MMP12: variants seen among roughly 807,000 people sequenced by gnomAD.
MMP12 encodes matrix metallopeptidase 12.
MMP12 carries 51 observed loss-of-function variants against 45.2 expected under a neutral mutation model. The observed-to-expected ratio is 1.13, with a 90% CI of 0.90 to 1.42. The LOEUF (loss-of-function observed/expected upper bound fraction) is 1.42. MMP12 is among the 40% of genes most tolerant of loss of function. The pLI is 0.00. For synonymous variants in MMP12, 210 were observed against 193.3 expected (o/e 1.09, Z -0.72); for missense variants, 530 against 570.8 (o/e 0.93, Z 0.73).
At chr11:102,866,572 A>T (rs782473514) in intron 6 of MMP12, 124 bp from the exon 7 acceptor site, 2 of 980,736 alleles carry the variant, frequency 2.0e-6, no homozygotes. Context: ...ATTCTGTTCC[A>T]TGGATGTCTG....
Position 102,871,933 on chromosome 11 carries a change from C to T in MMP12, c.370G>A (p.Asp124Asn). 6.2e-7 allele frequency: 1 copy of T among 1,610,378 alleles called. No homozygotes were observed. The highest frequency in any genetic ancestry group is 1.3e-5 in the African/African-American group (1 of 74,794). Reference sequence around the variant, plus strand: ...TAGTCAACATCCTCACGGTTCATGTCAGGTGTGTAATTATTGATTCTTTAT... The same window carrying T: ...TAGTCAACATCCTCACGGTTCATGTTAGGTGTGTAATTATTGATTCTTTAT... Reference protein sequence around the residue: ...ITYRINNYTPDMNREDVDYAI... With the variant: ...ITYRINNYTPNMNREDVDYAI... Residue 124 changes from aspartate to asparagine, a missense_variant, in exon 3 of 10, where the codon GAC (aspartate) becomes AAC (asparagine). By Grantham distance (23) the Asp-to-Asn change is conservative. Coordinates refer to ENST00000571244, the MANE Select transcript of MMP12 (RefSeq NM_002426.6).
rs200176944 is a variant in MMP12 at position 102,867,997 on chromosome 11, T to G, written c.698A>C (p.Lys233Thr). The change falls in exon 5 of 10, where the codon AAG (lysine) becomes ACG (threonine). Residue 233 changes from lysine to threonine, a missense_variant. Coordinates refer to ENST00000571244, the MANE Select transcript of MMP12 (RefSeq NM_002426.6). ...TTTGTAGGTGGGGAACATTACGGCC[T>G]TTGGATCACTAGAATGGCCAAGACC... is the stretch of plus-strand genomic sequence containing the variant. ...SLGLGHSSDPKAVMFPTYKYV... is the reference protein window; with the variant it reads ...SLGLGHSSDPTAVMFPTYKYV... The G allele has an allele frequency of 5.0e-5, 80 of 1,606,498 alleles. No homozygotes were observed. The highest frequency in any genetic ancestry group is 6.7e-5 in the Non-Finnish European group (79 of 1,176,642).
intron 1 of MMP12, 70 bp from the exon 2 acceptor site, chr11:102,873,182 A>G: frequency 7.3e-7 from 1 of 1,371,790 alleles, no homozygotes; most frequent in Non-Finnish European, 1.0e-6. Flanking sequence ...CTCCACATAT[A>G]TGACTCAATT....
rs368620936 is a variant in MMP12 at position 102,872,740 on chromosome 11, T to C, written c.350+125A>G. 6 of 1,005,392 alleles carry C rather than the reference T, an allele frequency of 6.0e-6. No individual in the cohort carries two copies. The East Asian group carries it at 1.6e-4, about 26-fold the overall frequency. The allele number at this position is 1,005,392 out of a possible 1,614,324, so 62.3% of individuals were successfully genotyped here. A position where few individuals can be genotyped will look rare whatever the true frequency, so the allele number is the denominator to read the frequency against. On this transcript the variant is annotated intron_variant, in intron 2 of 9. Transcript: ENST00000571244. Reference sequence around the variant, plus strand: ...TAGAGAAAATGAATTTTAGCAGAGATAGCATTAACAATGGAGGGAGGTTAC... The same window carrying C: ...TAGAGAAAATGAATTTTAGCAGAGACAGCATTAACAATGGAGGGAGGTTAC...
intron 7 of MMP12, among the ~76,000 whole-genome samples, 165 bp downstream of exon 7, chr11:102,866,150 T>C (rs1859383078): frequency 6.6e-6 from 1 of 152,176 alleles, no homozygotes; most frequent in South Asian, 2.1e-4. Context: ...GTTGTATATA[T>C]TACTTAGGTA....
chr11:102,868,353 T>G (rs1859434568), intron 4 of MMP12, among the ~76,000 whole-genome samples: 1 of 152,182 alleles, frequency 6.6e-6, no homozygotes, highest in African/African-American at 2.4e-5. Context: ...CATTGTCAGA[T>G]ATCTCCTTGG....
intron 6 of MMP12, 95 bp from the exon 7 acceptor site, chr11:102,866,543 TTCTTTCC>T: frequency 7.7e-7 from 1 of 1,294,082 alleles, no homozygotes; most frequent in Non-Finnish European, 1.1e-6. Context: ...GACCCAATAT[TTCTTTCC>T]ATTGTCTTCA....
chr11:102,867,207 T>C, intron 6 of MMP12, 63 bp downstream of exon 6: 1 of 1,415,116 alleles, frequency 7.1e-7, no homozygotes, highest in Non-Finnish European at 9.4e-7. Flanking sequence ...TTCCACTGTT[T>C]TCTGACAAAA....
intron 5 of MMP12, 101 bp from the exon 6 acceptor site, chr11:102,867,494 G>A (rs1230332695): frequency 8.7e-7 from 1 of 1,155,996 alleles, no homozygotes; most frequent in Non-Finnish European, 1.2e-6. Context: ...AATGAACATT[G>A]CATCAAAATC....
intron 4 of MMP12, among the ~76,000 whole-genome samples, chr11:102,869,723 C>A: frequency 6.8e-6 from 1 of 147,936 alleles, no homozygotes; most frequent in Non-Finnish European, 1.5e-5. Context: ...GCAGCCTGGC[C>A]AACATGGTGA....
rs782359744 is a variant in MMP12 at position 102,872,935 on chromosome 11, C to G, written c.280G>C (p.Val94Leu). The change falls in exon 2 of 10, where the codon GTC (valine) becomes CTC (leucine). Residue 94 changes from valine (V) to leucine (L), a missense_variant. By Grantham distance (32) the Val-to-Leu change is conservative. Transcript: ENST00000571244. ...LEMMHAPRCG[V>L]PDVHHFREMP... ...TCCCTGAAATGATGGACATCGGGGA[C>G]TCCACATCGAGGTGCGTGCATCATC... 8 of 1,613,776 alleles carry G rather than the reference C, an allele frequency of 5.0e-6. No individual in the cohort carries two copies. In the Admixed American group the frequency reaches 6.7e-5, roughly 13 times the overall value.
At position 102,868,110 on chromosome 11, in the gene MMP12, A is replaced by G. The variant is rs782611236; in HGVS notation, c.626-41T>C. 11 of 1,489,394 alleles carry G rather than the reference A, an allele frequency of 7.4e-6. No individual in the cohort carries two copies. In the East Asian group the frequency reaches 2.4e-4, roughly 32 times the overall value. The allele number at this position is 1,489,394 out of a possible 1,614,324, so 92.3% of individuals were successfully genotyped here. On this transcript the variant is annotated intron_variant, in intron 4 of 9. Coordinates refer to ENST00000571244, the MANE Select transcript of MMP12 (RefSeq NM_002426.6). ...CCAAAAGACAGCTGTGAAATGCATT[A>G]TCATCTTGGACAAGAACACAATATC...
At chr11:102,873,704 A>G (rs1262664707) in intron 1 of MMP12, among the ~76,000 whole-genome samples, 1 of 152,184 alleles carries the variant, frequency 6.6e-6, no homozygotes, top group Non-Finnish European at 1.5e-5. Context: ...TTAAAACGTC[A>G]TTTATTCATT....
At position 102,865,730 on chromosome 11, in the gene MMP12, C is replaced by A; in HGVS notation, c.1205+46G>T. 3.3e-6 allele frequency: 5 copies of A among 1,530,288 alleles called. No homozygotes were observed. Among genetic ancestry groups the A allele is most frequent in the Non-Finnish European group, 4.4e-6 (5 of 1,127,756 alleles). 94.8% of individuals were successfully genotyped at this position (1,530,288 alleles called of 1,614,324 possible). A position where few individuals can be genotyped will look rare whatever the true frequency, so the allele number is the denominator to read the frequency against. ...CCTTCTAGAAAGCCTCATTCCATATCTGTTTCACAATCTGAGGGGTCGAAT... is the reference window on the plus strand; with the variant it reads ...CCTTCTAGAAAGCCTCATTCCATATATGTTTCACAATCTGAGGGGTCGAAT... On this transcript the variant is annotated intron_variant, in intron 8 of 9. Coordinates refer to ENST00000571244, the MANE Select transcript of MMP12 (RefSeq NM_002426.6). This position sits in a 1 kb window ranked among gnomAD's most constrained non-coding sequence, Gnocchi z 4.1.
intron 7 of MMP12, 78 bp from the exon 8 acceptor site, chr11:102,866,013 C>T (rs1555008486): frequency 8.8e-7 from 1 of 1,131,460 alleles, no homozygotes; most frequent in African/African-American, 1.6e-5. Context: ...CTATAAACAA[C>T]ATAATTCCTT....
In MMP12 at chr11:102,867,853, C is replaced by T. The variant is rs1037833104; in HGVS notation, c.787+55G>A. ...TTATCCAAATATAGATATTGTTAGA[C>T]TATTCATAAAAGCGAGTATCTTTAT... is the stretch of plus-strand genomic sequence containing the variant. On this transcript the variant is annotated intron_variant, in intron 5 of 9. Coordinates refer to ENST00000571244, the MANE Select transcript of MMP12 (RefSeq NM_002426.6). 4.6e-6 allele frequency: 7 copies of T among 1,508,782 alleles called. No individual in the cohort carries two copies. In the South Asian group the frequency reaches 8.4e-5, roughly 18 times the overall value. 93.5% of individuals were successfully genotyped at this position (1,508,782 alleles called of 1,614,324 possible). A position where few individuals can be genotyped will look rare whatever the true frequency, so the allele number is the denominator to read the frequency against.
intron 9 of MMP12, 95 bp downstream of exon 9, chr11:102,864,050 TC>T: frequency 1.1e-6 from 1 of 943,536 alleles, no homozygotes; most frequent in South Asian, 1.5e-5. Flanking sequence ...CAGAAACCTG[TC>T]CCTTTCCAAT....
chr11:102,872,943 C>T lies in MMP12; in HGVS notation c.272G>A (p.Arg91Gln), dbSNP rs201865119. The change falls in exon 2 of 10, where the codon CGA (arginine) becomes CAA (glutamine). Residue 91 changes from arginine (R) to glutamine (Q), a missense_variant. By Grantham distance (43) the Arg-to-Gln change is conservative (BLOSUM62 1). Coordinates refer to ENST00000571244, the MANE Select transcript of MMP12 (RefSeq NM_002426.6). ...TSTLEMMHAP[R>Q]CGVPDVHHFR... ...ATGATGGACATCGGGGACTCCACAT[C>T]GAGGTGCGTGCATCATCTCCAGGGT... is the stretch of plus-strand genomic sequence containing the variant. 1.9e-6 allele frequency: 3 copies of T among 1,613,728 alleles called. No homozygotes were observed. Among genetic ancestry groups the T allele is most frequent in the Non-Finnish European group, 2.5e-6 (3 of 1,179,772 alleles).
In MMP12 at chr11:102,867,519, A is replaced by G. The variant is rs1448702756; in HGVS notation, c.788-126T>C. On this transcript the variant is annotated intron_variant, in intron 5 of 9. Coordinates refer to ENST00000571244, the MANE Select transcript of MMP12 (RefSeq NM_002426.6). ...GCATCAAAATCATTTTAAGCTTTCTATAACATTCACAGGAAGTATAAAGTA... is the reference window on the plus strand; with the variant it reads ...GCATCAAAATCATTTTAAGCTTTCTGTAACATTCACAGGAAGTATAAAGTA... 1.4e-5 allele frequency: 14 copies of G among 1,000,562 alleles called. No individual in the cohort carries two copies. The East Asian group carries it at 3.8e-4, about 27-fold the overall frequency. 62.0% of individuals were successfully genotyped at this position (1,000,562 alleles called of 1,614,324 possible). A position where few individuals can be genotyped will look rare whatever the true frequency, so the allele number is the denominator to read the frequency against.
Sources: gnomAD v4.1 joint callset for allele counts (sites outside exome capture counted in the v4.1 genomes callset) on GRCh38, gnomAD v4.1.1 for gene constraint, Gnocchi (gnomAD v3.1) non-coding constraint, MANE v1.5 for transcripts, NCBI Gene and HGNC (gene_info 2026-07-23, HGNC 2026-07-21) for gene names.